Variants in NDC1 observed in about 807,000 individuals in gnomAD.
NDC1 encodes NDC1 transmembrane nucleoporin, also known as nucleoporin NDC1.
NDC1 carries 24 observed loss-of-function variants against 89.8 expected under a neutral mutation model. The ratio of observed to expected loss-of-function variants is 0.27; its 90% CI spans 0.19 to 0.38. The LOEUF is 0.38. Among genes scored for constraint, NDC1 ranks in the 10% least tolerant of loss-of-function variants. NDC1 has a pLI of 1.00. For synonymous variants in NDC1, 296 were observed against 284.8 expected (o/e 1.04, Z -0.39); for missense variants, 728 against 797.6 (o/e 0.91, Z 1.05).
At chr1:53,799,183 ACAT>A (rs1243883447) in intron 11 of NDC1, among the ~76,000 whole-genome samples, 1 of 152,168 alleles carries the variant, frequency 6.6e-6, no homozygotes, top group Non-Finnish European at 1.5e-5. Context: ...TCATTATCAA[ACAT>A]CATCTTATCC....
intron 6 of NDC1, among the ~76,000 whole-genome samples, chr1:53,817,612 C>CT (rs747574054): frequency 5.9e-5 from 9 of 152,060 alleles, no homozygotes; most frequent in Non-Finnish European, 1.2e-4. Context: ...CAAATACCAC[C>CT]TGTACCCCAA....
intron 7 of NDC1, 110 bp from the exon 8 acceptor site, chr1:53,807,901 G>T: frequency 3.1e-6 from 3 of 964,718 alleles, no homozygotes; most frequent in Non-Finnish European, 4.6e-6. Context: ...TAACAATGTT[G>T]ACAGACTCCT....
intron 13 of NDC1, among the ~76,000 whole-genome samples, chr1:53,796,445 A>G (rs1474685073): frequency 6.6e-6 from 1 of 152,204 alleles, no homozygotes; most frequent in Non-Finnish European, 1.5e-5. Flanking sequence ...CAGTGCCTAA[A>G]AGCACACCTT....
chr1:53,793,333 A>T (rs1384581940), intron 13 of NDC1, 54 bp from the exon 14 acceptor site: 3 of 1,357,686 alleles, frequency 2.2e-6, no homozygotes, highest in Non-Finnish European at 3.2e-6. Flanking sequence ...TTCTATTCAA[A>T]TATAACACAT....
chr1:53,833,855 T>C (rs1175421870), intron 2 of NDC1, among the ~76,000 whole-genome samples: 1 of 151,668 alleles, frequency 6.6e-6, no homozygotes, highest in Non-Finnish European at 1.5e-5. Flanking sequence ...AGATGGAGTC[T>C]CACTCTGTCA....
intron 11 of NDC1, 103 bp from the exon 12 acceptor site, chr1:53,797,247 T>C: frequency 9.3e-7 from 1 of 1,078,514 alleles, no homozygotes; most frequent in Non-Finnish European, 1.3e-6. Context: ...TTAACGCATT[T>C]ACCCAAAGCT....
chr1:53,797,205 G>T (rs978174449), intron 11 of NDC1, 61 bp from the exon 12 acceptor site: 3 of 1,550,750 alleles, frequency 1.9e-6, no homozygotes, highest in African/African-American at 2.7e-5. Context: ...TAGCAGCAAC[G>T]CTTTCAAATT....
intron 1 of NDC1, among the ~76,000 whole-genome samples, chr1:53,837,539 C>G (rs1649275522): frequency 6.6e-6 from 1 of 151,688 alleles, no homozygotes; most frequent in Non-Finnish European, 1.5e-5. Context: ...CATTGCACTG[C>G]AGCCTGGGCA....
intron 11 of NDC1, among the ~76,000 whole-genome samples, chr1:53,798,896 T>A (rs1647818178): frequency 6.6e-6 from 1 of 152,212 alleles, no homozygotes; most frequent in South Asian, 2.1e-4. Context: ...TTAGAAATCT[T>A]TGAAAAATCA....
intron 5 of NDC1, among the ~76,000 whole-genome samples, chr1:53,824,235 A>G (rs760786486): frequency 4.0e-5 from 5 of 124,910 alleles, no homozygotes; most frequent in African/African-American, 1.4e-4. Flanking sequence ...ACCTTTCTCG[A>G]AAAAAAAAAA....
intron 16 of NDC1, among the ~76,000 whole-genome samples, chr1:53,780,576 T>A (rs1271666182): frequency 6.6e-6 from 1 of 152,098 alleles, no homozygotes; most frequent in Non-Finnish European, 1.5e-5. Flanking sequence ...AAGGTAAACA[T>A]CAATATTCCA....
Position 53,832,573 on chromosome 1 carries a change from T to C in NDC1, c.197A>G (p.Tyr66Cys), listed in dbSNP as rs746354094. The C allele has an allele frequency of 5.7e-6, 9 of 1,572,642 alleles. No individual in the cohort carries two copies. The highest frequency in any genetic ancestry group is 1.4e-5 in the African/African-American group (1 of 74,054). ...QWLSDSFSDL[Y>C]SSYVIFYFLL... Reference sequence around the variant, plus strand: ...GAAGTAAAAGATTACATAGGAACTATACAGGTCACTGAAAGAATCTAAAAC... The same window carrying C: ...GAAGTAAAAGATTACATAGGAACTACACAGGTCACTGAAAGAATCTAAAAC... Residue 66 changes from tyrosine to cysteine, a missense_variant, in exon 3 of 18, where the codon TAT (tyrosine) becomes TGT (cysteine). Transcript: ENST00000371429.
chr1:53,776,894 A>G (rs1418192650), intron 16 of NDC1, among the ~76,000 whole-genome samples: 1 of 152,194 alleles, frequency 6.6e-6, no homozygotes, highest in African/African-American at 2.4e-5. Flanking sequence ...ATGAGTAATG[A>G]TAATTCCTAG....
intron 13 of NDC1, among the ~76,000 whole-genome samples, chr1:53,796,221 A>T (rs952884350): frequency 3.9e-5 from 6 of 152,140 alleles, no homozygotes; most frequent in Non-Finnish European, 7.3e-5. Context: ...CATGTTTTCC[A>T]TATCTTGAAT....
chr1:53,784,093 T>C (rs773057701), intron 16 of NDC1, among the ~76,000 whole-genome samples: 2 of 152,160 alleles, frequency 1.3e-5, no homozygotes, highest in Non-Finnish European at 2.9e-5. Context: ...GCAGGCAGTG[T>C]GATCTTTATG....
chr1:53,803,389 G>A (rs900269977), intron 10 of NDC1, among the ~76,000 whole-genome samples: 6 of 151,800 alleles, frequency 4.0e-5, no homozygotes, highest in Admixed American at 1.3e-4. Flanking sequence ...TTCTTAAGCT[G>A]TATTTTTCTG....
At chr1:53,774,461 C>G (rs970964049) in intron 16 of NDC1, among the ~76,000 whole-genome samples, 1 of 152,032 alleles carries the variant, frequency 6.6e-6, no homozygotes, top group African/African-American at 2.4e-5. Context: ...CCTGATTAAC[C>G]CTCAGTATAC....
rs1647727680 is a variant in NDC1 at position 53,796,944 on chromosome 1, G to A, written c.1423C>T (p.Pro475Ser). 1 of 1,614,166 alleles carries A rather than the reference G, an allele frequency of 6.2e-7. No individual in the cohort carries two copies. The highest frequency in any genetic ancestry group is 1.7e-5 in the Admixed American group (1 of 60,022). ...VNTCYGSPQS[P>S]QLIRRGPRLW... ...CTTGGCCCCCTTCTTATTAGCTGAG[G>A]ACTTTGCGGTGACCCATAGCAGGTG... Residue 475 changes from proline to serine, a missense_variant, in exon 12 of 18, where the codon CCT becomes TCT. Coordinates refer to ENST00000371429, the MANE Select transcript of NDC1 (RefSeq NM_018087.5).
chr1:53,772,427 G>A lies in NDC1; in HGVS notation c.1863C>T (p.Ser621=). The change falls in exon 17 of 18, where the codon AGC becomes AGT. Residue 621 remains serine, a synonymous_variant. Transcript: ENST00000371429. ...ASSKPPRISG[S]LVDTSYKTLR... ...ATGTTTTATATGAAGTGTCCACAAG[G>A]CTTCCTGAAATCCGGGGTGGTTTAC... The A allele has an allele frequency of 1.2e-6, 2 of 1,613,670 alleles. No individual in the cohort carries two copies. The highest frequency in any genetic ancestry group is 1.7e-6 in the Non-Finnish European group (2 of 1,179,728).
Sources: allele counts gnomAD v4.1 joint callset (sites outside exome capture counted in the v4.1 genomes callset), GRCh38; gene constraint gnomAD v4.1.1; transcripts MANE v1.5; gene names NCBI Gene and HGNC (gene_info 2026-07-23, HGNC 2026-07-21).